The following SLC10A2 variants were observed in gnomAD, a reference collection of about 807,000 sequenced individuals.
SLC10A2 encodes the protein ileal sodium/bile acid cotransporter.
Under a neutral mutation model 27.1 loss-of-function variants are expected in SLC10A2, and 34 were observed. The observed-to-expected ratio is 1.26, with a 90% CI of 0.96 to 1.67. The LOEUF is 1.67. Ranked by LOEUF, SLC10A2 falls within the 40% of genes most tolerant of loss-of-function variation. The pLI, the probability that SLC10A2 is intolerant of heterozygous loss-of-function variation, is 0.00. For missense variants in SLC10A2, 530 were observed against 444.4 expected, an observed-to-expected ratio of 1.19 and a Z score of -1.73; for synonymous variants, 205 against 174.0, an observed-to-expected ratio of 1.18 and a Z score of -1.40.
Position 103,065,559 on chromosome 13 carries a change from A to C in SLC10A2, c.377+314T>G, listed in dbSNP as rs1876246525. On this transcript the variant is annotated intron_variant, in intron 1 of 5. Transcript: ENST00000245312. Reference sequence around the variant, plus strand: ...TGCTACCAACAGGATAAACCTCCTCAGCTGCAGCTTGTGGTTTGGAAAAGA... The same window carrying C: ...TGCTACCAACAGGATAAACCTCCTCCGCTGCAGCTTGTGGTTTGGAAAAGA... 2.0e-5 allele frequency among the ~76,000 whole-genome samples: 3 copies of C among 152,094 alleles called. No homozygotes were observed. The South Asian group carries it at 6.2e-4, about 32-fold the overall frequency.
Position 103,046,129 on chromosome 13 carries a change from A to T in SLC10A2, c.*4T>A. 6.2e-7 allele frequency: 1 copy of T among 1,613,714 alleles called. No homozygotes were observed. The highest frequency in any genetic ancestry group is 8.5e-7 in the Non-Finnish European group (1 of 1,179,778). ...GGAACTCGTCTGTTTTGTCCACTTG[A>T]TGTCTACTTTTCGTCAGGTTGAAAT... On this transcript the variant is annotated 3_prime_UTR_variant, in exon 6 of 6. Coordinates refer to ENST00000245312, the MANE Select transcript of SLC10A2 (RefSeq NM_000452.3).
At chr13:103,046,573 C>T (rs1175191985) in intron 5 of SLC10A2, among the ~76,000 whole-genome samples, 4 of 152,120 alleles carry the variant, frequency 2.6e-5, no homozygotes, top group East Asian at 1.9e-4. Context: ...TATTCTGTAC[C>T]GCCATATCCC....
intron 5 of SLC10A2, among the ~76,000 whole-genome samples, chr13:103,046,673 A>G (rs1223150471): frequency 2.0e-5 from 3 of 152,192 alleles, no homozygotes; most frequent in African/African-American, 7.2e-5. Context: ...AAGGACTTGA[A>G]CTAGAACAAC....
chr13:103,059,407 T>G (rs1476540731), intron 1 of SLC10A2, among the ~76,000 whole-genome samples: 2 of 152,032 alleles, frequency 1.3e-5, no homozygotes, highest in Non-Finnish European at 2.9e-5. Context: ...GAGAAAATTT[T>G]TATTTTCGAT....
intron 5 of SLC10A2, among the ~76,000 whole-genome samples, chr13:103,046,955 T>C (rs1875628794): frequency 6.6e-6 from 1 of 152,222 alleles, no homozygotes; most frequent in Non-Finnish European, 1.5e-5. Flanking sequence ...CAGATTCAAG[T>C]CATGTTTTCC....
At position 103,051,340 on chromosome 13, in the gene SLC10A2, C is replaced by T. The variant is rs201049263; in HGVS notation, c.678G>A (p.Leu226=). ...CAGGAAATATTGTTCCTATAATCCA[C>T]AGTTTGGGAGCAATGATCCAGGCGC... is the stretch of plus-strand genomic sequence containing the variant. ...YQSAWIIAPK[L]WIIGTIFPVA... Residue 226 remains leucine, a synonymous_variant, in exon 4 of 6, where the codon CTG becomes CTA. Coordinates refer to ENST00000245312, the MANE Select transcript of SLC10A2 (RefSeq NM_000452.3). 6 of 1,613,982 alleles carry T rather than the reference C, an allele frequency of 3.7e-6. No homozygotes were observed. Among genetic ancestry groups the T allele is most frequent in the Non-Finnish European group, 5.1e-6 (6 of 1,180,002 alleles).
intron 3 of SLC10A2, 74 bp downstream of exon 3, chr13:103,052,546 A>G (rs1425191055): frequency 9.3e-7 from 1 of 1,076,400 alleles, no homozygotes; most frequent in Non-Finnish European, 1.5e-6. Flanking sequence ...GAATGAAACC[A>G]TTTCATGGAT....
intron 5 of SLC10A2, among the ~76,000 whole-genome samples, chr13:103,046,881 G>A (rs556560375): frequency 2.0e-5 from 3 of 152,312 alleles, no homozygotes; most frequent in African/African-American, 7.2e-5. Context: ...GCATGTGTGA[G>A]TACATGTCTG....
At position 103,046,076 on chromosome 13, in the gene SLC10A2, A is replaced by G. The variant is rs1424319735; in HGVS notation, c.*57T>C. 34 of 1,594,940 alleles carry G rather than the reference A, an allele frequency of 2.1e-5. No individual in the cohort carries two copies. The highest frequency in any genetic ancestry group is 2.9e-5 in the Non-Finnish European group (34 of 1,163,924). ...CTGTCCTACCAAAACAAATAATTAA[A>G]TATAGTTACGGTTTAAGAACGTAAT... On this transcript the variant is annotated 3_prime_UTR_variant, in exon 6 of 6. Transcript: ENST00000245312.
chr13:103,058,479 T>G (rs139294561), intron 1 of SLC10A2, 97 bp from the exon 2 acceptor site: 7 of 778,234 alleles, frequency 9.0e-6, no homozygotes, highest in Non-Finnish European at 1.6e-5. Flanking sequence ...ATTTTAAGTT[T>G]AGGGGTATAT....
At chr13:103,059,561 C>CT (rs1205002883) in intron 1 of SLC10A2, among the ~76,000 whole-genome samples, 1 of 152,190 alleles carries the variant, frequency 6.6e-6, no homozygotes, top group Non-Finnish European at 1.5e-5. Context: ...TGTCTTTCCA[C>CT]TTTGCCTTGT....
At chr13:103,053,739 T>A (rs1875856393) in intron 2 of SLC10A2, among the ~76,000 whole-genome samples, 1 of 152,154 alleles carries the variant, frequency 6.6e-6, no homozygotes, top group Non-Finnish European at 1.5e-5. Flanking sequence ...GCAATAATGA[T>A]GAAAACATAA....
rs1266835612 is a variant in SLC10A2 at position 103,045,666 on chromosome 13, A to T, written c.*467T>A. ...ATAATGATTAAAATGTCAGTGAAAG[A>T]TGTTCATGTCAATTTTTATAATCAT... On this transcript the variant is annotated 3_prime_UTR_variant, in exon 6 of 6. Transcript: ENST00000245312. The T allele has an allele frequency of 6.5e-6, 1 of 153,646 alleles. No homozygotes were observed. The highest frequency in any genetic ancestry group is 1.4e-5 in the Non-Finnish European group (1 of 69,004). The allele number at this position is 153,646 out of a possible 1,614,324, so 9.5% of individuals were successfully genotyped here.
chr13:103,056,612 G>T (rs1875945079), intron 2 of SLC10A2, among the ~76,000 whole-genome samples: 1 of 152,052 alleles, frequency 6.6e-6, no homozygotes, highest in African/African-American at 2.4e-5. Context: ...CTTTGAGAGG[G>T]ATATAATGGT....
At position 103,066,330 on chromosome 13, in the gene SLC10A2, C is replaced by T; in HGVS notation, c.-81G>A. ...TGGCTCTGCTGCTGGTTGAGTTAAG[C>T]AACGTTTACTTCTACCCCATCAAAC... On this transcript the variant is annotated 5_prime_UTR_variant, in exon 1 of 6. Coordinates refer to ENST00000245312, the MANE Select transcript of SLC10A2 (RefSeq NM_000452.3). 1 of 1,482,268 alleles carries T rather than the reference C, an allele frequency of 6.7e-7. No individual in the cohort carries two copies. The highest frequency in any genetic ancestry group is 2.3e-5 in the East Asian group (1 of 43,916). 91.8% of individuals were successfully genotyped at this position (1,482,268 alleles called of 1,614,324 possible). A position where few individuals can be genotyped will look rare whatever the true frequency, so the allele number is the denominator to read the frequency against.
intron 4 of SLC10A2, 101 bp from the exon 5 acceptor site, chr13:103,049,547 T>C: frequency 8.7e-7 from 1 of 1,144,918 alleles, no homozygotes; most frequent in Non-Finnish European, 1.3e-6. Flanking sequence ...ATTATGTCTC[T>C]GCTTTTAATG....
At chr13:103,049,973 A>T (rs943171121) in intron 4 of SLC10A2, among the ~76,000 whole-genome samples, 29 of 151,944 alleles carry the variant, frequency 1.9e-4, no homozygotes, top group Admixed American at 6.6e-5. Context: ...ACATAATGAG[A>T]CCCTGTTTCT....
intron 2 of SLC10A2, among the ~76,000 whole-genome samples, chr13:103,057,918 C>G (rs1244931419): frequency 1.3e-5 from 2 of 151,864 alleles, no homozygotes; most frequent in Non-Finnish European, 1.5e-5. Flanking sequence ...TGTCTGGATG[C>G]AAAATCCTAT....
intron 2 of SLC10A2, among the ~76,000 whole-genome samples, chr13:103,053,081 GGTGT>G (rs143709540): frequency 0.18 from 25,469 of 144,828 alleles, 2,222 homozygotes; most frequent in Middle Eastern, 0.23. Context: ...AGCTCACCAA[GGTGT>G]GTGTGTGTGT....
Sources: allele counts gnomAD v4.1 joint callset (sites outside exome capture counted in the v4.1 genomes callset), GRCh38; gene constraint gnomAD v4.1.1; transcripts MANE v1.5; gene names NCBI Gene and HGNC (gene_info 2026-07-23, HGNC 2026-07-21).